Variants in FGD4 observed in about 807,000 individuals in gnomAD.
FGD4 encodes FYVE, RhoGEF and PH domain-containing protein 4.
FGD4 carries 42 observed loss-of-function variants against 102.0 expected under a neutral mutation model. The ratio of observed to expected loss-of-function variants is 0.41; its 90% CI spans 0.32 to 0.53. The LOEUF (loss-of-function observed/expected upper bound fraction) is 0.53. Ranked by LOEUF, FGD4 falls within the 20% of genes least tolerant of loss-of-function variation. The pLI is 0.21. For synonymous variants in FGD4, 380 were observed against 375.7 expected, an observed-to-expected ratio of 1.01 and a Z score of -0.13; for missense variants, 902 against 1,078.2, an observed-to-expected ratio of 0.84 and a Z score of 2.29.
At chr12:32,586,665 A>C (rs1021719997) in intron 4 of FGD4, among the ~76,000 whole-genome samples, 1 of 152,132 alleles carries the variant, frequency 6.6e-6, no homozygotes, top group African/African-American at 2.4e-5. Context: ...TGTGAGATGA[A>C]GGGGGCCTGG....
At chr12:32,439,481 A>G (rs1204062786) in intron 1 of FGD4, among the ~76,000 whole-genome samples, 2 of 152,200 alleles carry the variant, frequency 1.3e-5, no homozygotes, top group African/African-American at 4.8e-5. Context: ...CCAGTTACCC[A>G]GTAGTGAGAT....
intron 1 of FGD4, among the ~76,000 whole-genome samples, chr12:32,462,123 A>G (rs1388488893): frequency 6.6e-6 from 1 of 152,192 alleles, no homozygotes; most frequent in African/African-American, 2.4e-5. Context: ...GTATATCTGT[A>G]ATTGGAAAGT....
At position 32,526,401 on chromosome 12, in the gene FGD4, ACT is replaced by A. The variant is rs946821729; in HGVS notation, c.167-37733_167-37732del. Among the ~76,000 whole-genome samples, 215 of 152,274 alleles carry A rather than the reference ACT, an allele frequency of 1.4e-3. 1 individual carries two copies. Among genetic ancestry groups the A allele is most frequent in the Non-Finnish European group, 2.0e-3 (139 of 68,010 alleles). On this transcript the variant is annotated intron_variant, in intron 1 of 16. Transcript: ENST00000534526. ...AAGGTTTGTGAATGCACCAATCGAC[ACT>A]CTGTATCTAGCTGCTCTAGTGGGGC...
intron 2 of FGD4, among the ~76,000 whole-genome samples, chr12:32,565,907 C>G (rs999420708): frequency 3.3e-5 from 5 of 152,176 alleles, no homozygotes; most frequent in African/African-American, 9.6e-5. Context: ...AAAATACTTT[C>G]AGGCAGTGTT....
intron 1 of FGD4, among the ~76,000 whole-genome samples, chr12:32,437,461 C>G (rs1942273074): frequency 6.6e-6 from 1 of 152,154 alleles, no homozygotes; most frequent in Non-Finnish European, 1.5e-5. Flanking sequence ...CCAACCGCAC[C>G]CAGATGTGTT....
At chr12:32,631,924 A>G (rs1452249461) in intron 14 of FGD4, among the ~76,000 whole-genome samples, 1 of 152,234 alleles carries the variant, frequency 6.6e-6, no homozygotes, top group African/African-American at 2.4e-5. Context: ...TTGCATGTGC[A>G]TTGTCAAAAT....
intron 1 of FGD4, among the ~76,000 whole-genome samples, chr12:32,408,293 C>T (rs1381079059): frequency 6.6e-6 from 1 of 151,774 alleles, no homozygotes; most frequent in Admixed American, 6.6e-5. Context: ...CTCAGCCTCC[C>T]GAGTAGCTGG....
At chr12:32,598,404 G>A in intron 4 of FGD4, 93 bp from the exon 5 acceptor site, 3 of 889,638 alleles carry the variant, frequency 3.4e-6, no homozygotes, top group Non-Finnish European at 5.3e-6. Context: ...TGAGAAAACT[G>A]TTTTGATCAA....
intron 7 of FGD4, among the ~76,000 whole-genome samples, chr12:32,606,036 G>A (rs913995670): frequency 1.1e-4 from 16 of 152,150 alleles, no homozygotes; most frequent in Admixed American, 9.8e-4. Flanking sequence ...AGAATCCTAA[G>A]TCTGCTGCTT....
chr12:32,442,456 T>G (rs965792696), intron 1 of FGD4, among the ~76,000 whole-genome samples: 1 of 152,118 alleles, frequency 6.6e-6, no homozygotes, highest in African/African-American at 2.4e-5. Context: ...TGAAGGTGTT[T>G]TTTTCTGTGT....
intron 14 of FGD4, among the ~76,000 whole-genome samples, chr12:32,632,928 T>C (rs995769567): frequency 3.3e-5 from 5 of 151,900 alleles, no homozygotes; most frequent in Admixed American, 6.6e-5. Context: ...TGGAGGAGGT[T>C]TAAGAGTGGA....
rs1949691078 is a variant in FGD4, at chr12:32,619,815, T to C, written c.1867T>C (p.Tyr623His). Residue 623 changes from tyrosine (Y) to histidine (H), a missense_variant, in exon 11 of 17, where the codon TAT (tyrosine) becomes CAT (histidine). Transcript: ENST00000534526. ...MKIVETQNEE[Y>H]PHTFQVSGKE... ...AATTGTAGAGACTCAAAATGAAGAA[T>C]ATCCACATACTTTCCAGGTGTCTGG... 1.9e-6 allele frequency: 3 copies of C among 1,614,140 alleles called. No individual in the cohort carries two copies. In the East Asian group the frequency reaches 6.7e-5, roughly 36 times the overall value.
At chr12:32,500,151 C>A (rs1938079272) in intron 1 of FGD4, among the ~76,000 whole-genome samples, 1 of 152,186 alleles carries the variant, frequency 6.6e-6, no homozygotes, top group Non-Finnish European at 1.5e-5. Flanking sequence ...TGGTCTCAGA[C>A]AAATGAGGTT....
chr12:32,538,543 G>C (rs1942511281), intron 1 of FGD4, among the ~76,000 whole-genome samples: 1 of 152,154 alleles, frequency 6.6e-6, no homozygotes, highest in Non-Finnish European at 1.5e-5. Flanking sequence ...CACAGGCCAA[G>C]TTGATATAAA....
chr12:32,558,946 A>G (rs556169916), intron 1 of FGD4, among the ~76,000 whole-genome samples: 3 of 152,364 alleles, frequency 2.0e-5, no homozygotes, highest in Non-Finnish European at 2.9e-5. Flanking sequence ...AGGAGATAGT[A>G]TTTAAATCGG....
At chr12:32,501,637 A>G (rs1000752827) in intron 1 of FGD4, among the ~76,000 whole-genome samples, 1 of 152,218 alleles carries the variant, frequency 6.6e-6, no homozygotes, top group African/African-American at 2.4e-5. Flanking sequence ...TTATAACACA[A>G]TTGATTTTTG....
At chr12:32,635,023 T>C (rs1474845274) in intron 15 of FGD4, among the ~76,000 whole-genome samples, 1 of 152,116 alleles carries the variant, frequency 6.6e-6, no homozygotes, top group African/African-American at 2.4e-5. Context: ...AGTAAGTATT[T>C]ATTGAGCATT....
intron 11 of FGD4, among the ~76,000 whole-genome samples, chr12:32,620,519 TC>T: frequency 1.6e-5 from 2 of 125,112 alleles, no homozygotes; most frequent in East Asian, 2.1e-4. Flanking sequence ...TTTTTTTCTT[TC>T]TTTTTTTTTT....
At chr12:32,462,442 T>C (rs776131095) in intron 1 of FGD4, among the ~76,000 whole-genome samples, 3 of 152,320 alleles carry the variant, frequency 2.0e-5, no homozygotes, top group Non-Finnish European at 4.4e-5. Context: ...ATTATAGGTG[T>C]GAGCCACTGC....
Sources: allele counts gnomAD v4.1 joint callset (sites outside exome capture counted in the v4.1 genomes callset), GRCh38; gene constraint gnomAD v4.1.1; transcripts MANE v1.5; gene names NCBI Gene and HGNC (gene_info 2026-07-23, HGNC 2026-07-21).